TCP11: variants seen among roughly 807,000 people sequenced by gnomAD.
TCP11 encodes the protein t-complex 11.
In TCP11, 34 loss-of-function variants were observed where a neutral mutation model predicts 45.0. That is an observed-to-expected ratio of 0.76 (90% confidence interval 0.57 to 1.01). The LOEUF is 1.01. Ranked by LOEUF, TCP11 falls within the 50% of genes least tolerant of loss-of-function variation. TCP11 has a pLI of 0.00. For synonymous variants in TCP11, 227 were observed against 227.0 expected, an observed-to-expected ratio of 1.00 and a Z score of 0.00; for missense variants, 523 against 598.1, an observed-to-expected ratio of 0.87 and a Z score of 1.31.
intron 9 of TCP11, among the ~76,000 whole-genome samples, chr6:35,118,906 T>A (rs563263117): frequency 6.6e-6 from 1 of 152,220 alleles, no homozygotes; most frequent in Admixed American, 6.5e-5. Context: ...AAATTCAGCA[T>A]TAGTTTCTTG....
chr6:35,130,008 C>T (rs2127668056), intron 3 of TCP11, among the ~76,000 whole-genome samples: 1 of 152,168 alleles, frequency 6.6e-6, no homozygotes, highest in African/African-American at 2.4e-5. Flanking sequence ...GTCTTGAACT[C>T]CAGGGCTCAA....
At chr6:35,127,910 C>T in intron 4 of TCP11, among the ~76,000 whole-genome samples, 1 of 152,174 alleles carries the variant, frequency 6.6e-6, no homozygotes, top group East Asian at 1.9e-4. Flanking sequence ...CCTCACAGAT[C>T]CAAATCCATT....
chr6:35,131,403 G>A (rs995225115), intron 3 of TCP11, among the ~76,000 whole-genome samples: 3 of 150,950 alleles, frequency 2.0e-5, no homozygotes, highest in African/African-American at 7.3e-5. Context: ...CCCTGTCTCT[G>A]CTAAAAATAC....
At chr6:35,137,860 A>G (rs1199140983) in intron 2 of TCP11, 1 of 454,340 alleles carries the variant, frequency 2.2e-6, no homozygotes, top group Non-Finnish European at 4.4e-6. Flanking sequence ...AAGCTGGATG[A>G]TGGATAAATG....
chr6:35,130,062 C>G (rs1337887416), intron 3 of TCP11, among the ~76,000 whole-genome samples: 1 of 152,036 alleles, frequency 6.6e-6, no homozygotes, highest in Non-Finnish European at 1.5e-5. Context: ...AGATTACAGA[C>G]GTGAGCCACT....
Position 35,122,100 on chromosome 6 carries a change from A to G in TCP11, c.578+17T>C. 1.9e-6 allele frequency: 3 copies of G among 1,613,556 alleles called. No homozygotes were observed. Among genetic ancestry groups the G allele is most frequent in the Non-Finnish European group, 1.7e-6 (2 of 1,179,450 alleles). On this transcript the variant is annotated intron_variant, in intron 5 of 9. Coordinates refer to ENST00000311875, the MANE Select transcript of TCP11 (RefSeq NM_001370687.1). ...GGGGCTAAAGCAGGTTTTTGGGGGC[A>G]GTATCAAGTTTCATACCTCAGTAGC...
Position 35,120,847 on chromosome 6 carries a change from A to C in TCP11, c.715+62T>G, listed in dbSNP as rs1779153762. The C allele has an allele frequency of 3.2e-6, 5 of 1,546,334 alleles. No homozygotes were observed. Among genetic ancestry groups the C allele is most frequent in the Non-Finnish European group, 4.4e-6 (5 of 1,142,532 alleles). ...AAAAAGAGATAGAGTACTCTCTAAC[A>C]TTATAAAAGTCAGACCCAAGGTAAT... On this transcript the variant is annotated intron_variant, in intron 6 of 9. Transcript: ENST00000311875. This position sits in a 1 kb window ranked among gnomAD's most constrained non-coding sequence, Gnocchi z 4.9.
At chr6:35,129,699 C>T (rs1296914662) in intron 3 of TCP11, among the ~76,000 whole-genome samples, 1 of 152,154 alleles carries the variant, frequency 6.6e-6, no homozygotes, top group African/African-American at 2.4e-5. Context: ...AGTGGCACTA[C>T]CATCTATATA....
chr6:35,126,179 T>A (rs1223625069), intron 4 of TCP11, among the ~76,000 whole-genome samples: 1 of 152,116 alleles, frequency 6.6e-6, no homozygotes, highest in Non-Finnish European at 1.5e-5. Flanking sequence ...CTAAAAAAAA[T>A]TAAATAAATT....
At position 35,124,677 on chromosome 6, in the gene TCP11, A is replaced by T. The variant is rs1367954782; in HGVS notation, c.358-2340T>A. ...AGACCAAAAGAATAGAGAGCTGATA[A>T]ATAAAACCTGGATATATAAGGTCAA... is the stretch of plus-strand genomic sequence containing the variant. On this transcript the variant is annotated intron_variant, in intron 4 of 9. Transcript: ENST00000311875. 2.6e-5 allele frequency among the ~76,000 whole-genome samples: 4 copies of T among 152,190 alleles called. No individual in the cohort carries two copies. In the South Asian group the frequency reaches 8.3e-4, roughly 31 times the overall value.
intron 3 of TCP11, 147 bp downstream of exon 3, chr6:35,135,960 T>A: frequency 1.9e-6 from 1 of 534,602 alleles, no homozygotes; most frequent in Non-Finnish European, 3.3e-6. Context: ...TACAACTTAG[T>A]ACTCTTCTGT....
In TCP11 at chr6:35,140,858, T is replaced by C. The variant is rs1781679735; in HGVS notation, c.13A>G (p.Lys5Glu). Residue 5 changes from lysine to glutamate, a missense_variant, in exon 2 of 10, where the codon AAG (lysine) becomes GAG (glutamate). This residue lies in a region of TCP11 where 225 missense variants were observed against 210.2 expected (regional missense o/e 1.07). Coordinates refer to ENST00000311875, the MANE Select transcript of TCP11 (RefSeq NM_001370687.1). ...GGATATTTCGGGGGCACACTCTCCT[T>C]GACGTCTGGCATTTTGCTGATGGTA... Reference protein sequence around the residue: MPDVKESVPPKYPGD... With the variant: MPDVEESVPPKYPGD... The C allele has an allele frequency of 3.2e-6, 5 of 1,576,702 alleles. No individual in the cohort carries two copies. The highest frequency in any genetic ancestry group is 4.3e-6 in the Non-Finnish European group (5 of 1,164,740).
At chr6:35,137,679 T>C (rs1781242804) in intron 2 of TCP11, 2 of 414,512 alleles carry the variant, frequency 4.8e-6, no homozygotes, top group Admixed American at 5.4e-5. Context: ...AATAGGTATA[T>C]ATGGTAGTTA....
chr6:35,133,024 T>C (rs1780625454), intron 3 of TCP11, among the ~76,000 whole-genome samples: 2 of 152,202 alleles, frequency 1.3e-5, no homozygotes, highest in African/African-American at 2.4e-5. Flanking sequence ...AAAGGCCCTT[T>C]AGTAACAGAT....
chr6:35,130,639 A>G (rs1039691876), intron 3 of TCP11, among the ~76,000 whole-genome samples: 1 of 152,134 alleles, frequency 6.6e-6, no homozygotes, highest in African/African-American at 2.4e-5. Flanking sequence ...TGCAAATTAA[A>G]ACAACAAAAA....
intron 3 of TCP11, among the ~76,000 whole-genome samples, chr6:35,133,555 G>A: frequency 6.6e-6 from 1 of 151,924 alleles, no homozygotes. Context: ...ACTTTGGGAG[G>A]CCAAGGCGGG....
At chr6:35,132,113 T>A (rs1161592803) in intron 3 of TCP11, among the ~76,000 whole-genome samples, 1 of 152,290 alleles carries the variant, frequency 6.6e-6, no homozygotes, top group Non-Finnish European at 1.5e-5. Flanking sequence ...TATATCATAC[T>A]GCTCTGGCCT....
chr6:35,128,917 G>T, intron 4 of TCP11, 145 bp downstream of exon 4: 1 of 1,055,512 alleles, frequency 9.5e-7, no homozygotes, highest in Non-Finnish European at 1.3e-6. Context: ...AACCCTCCCT[G>T]CTAAAATTAC....
In TCP11 at chr6:35,122,186, A is replaced by T. The variant is rs1427930390; in HGVS notation, c.509T>A (p.Leu170Gln). ...TGCTTCATCTCGAACTGGTGCACAC[A>T]GCAAAGCCATCATGTTGAGAACGTA... ...SKYVLNMMAL[L>Q]CAPVRDEAVQ... Residue 170 changes from leucine to glutamine, a missense_variant, in exon 5 of 10, where the codon CTG becomes CAG. Around this residue, in one of 2 missense-constraint regions of TCP11, gnomAD observed 225 missense variants for 210.2 expected, o/e 1.07. Coordinates refer to ENST00000311875, the MANE Select transcript of TCP11 (RefSeq NM_001370687.1). 6.2e-7 allele frequency: 1 copy of T among 1,614,214 alleles called. No individual in the cohort carries two copies. Among genetic ancestry groups the T allele is most frequent in the Admixed American group, 1.7e-5 (1 of 60,034 alleles).
Sources: gnomAD v4.1 joint callset for allele counts (sites outside exome capture counted in the v4.1 genomes callset) on GRCh38, gnomAD v4.1.1 for gene constraint, gnomAD v4.1.1 regional missense constraint, Gnocchi (gnomAD v3.1) non-coding constraint, MANE v1.5 for transcripts, NCBI Gene and HGNC (gene_info 2026-07-23, HGNC 2026-07-21) for gene names.